AUTS2: variants seen among roughly 807,000 people sequenced by gnomAD.
AUTS2 encodes the protein autism susceptibility gene 2 protein.
Under a neutral mutation model 112.4 loss-of-function variants are expected in AUTS2, and 17 were observed. That is an observed-to-expected ratio of 0.15 (90% CI 0.10 to 0.23). AUTS2 has a LOEUF of 0.23. Ranked by LOEUF, AUTS2 falls within the 10% of genes least tolerant of loss-of-function variation. AUTS2 has a pLI of 1.00. For synonymous variants in AUTS2, 751 were observed against 702.7 expected (o/e 1.07, Z -1.09); for missense variants, 1,510 against 1,701.6 (o/e 0.89, Z 1.98).
In AUTS2 at chr7:69,929,606, G is replaced by T. The variant is rs140182371; in HGVS notation, c.522+30108G>T. ...TAGTTGCTGTGTCTCAGGTTCACCA[G>T]TCTTTTCTTCTGCTATGTCAAATCT... On this transcript the variant is annotated intron_variant, in intron 2 of 18. Coordinates refer to ENST00000342771, the MANE Select transcript of AUTS2 (RefSeq NM_015570.4). Among the ~76,000 whole-genome samples the T allele has an allele frequency of 7.2e-5, 11 of 152,168 alleles. No homozygotes were observed. The East Asian group carries it at 2.1e-3, about 29-fold the overall frequency.
intron 4 of AUTS2, among the ~76,000 whole-genome samples, chr7:70,183,872 T>C (rs1322812389): frequency 6.6e-6 from 1 of 151,696 alleles, no homozygotes; most frequent in Non-Finnish European, 1.5e-5. Flanking sequence ...GTCTTTCTGT[T>C]ACCCAGAGAA....
chr7:69,841,588 A>G lies in AUTS2; in HGVS notation c.310-57698A>G, dbSNP rs140465847. Among the ~76,000 whole-genome samples the G allele has an allele frequency of 1.2e-3, 176 of 152,352 alleles. 1 individual carries two copies. In the East Asian group the frequency reaches 0.012, roughly 10 times the overall value. The stretch of plus-strand genomic sequence containing the variant: ...AAATTAATCCACACCAGGAAGAAAC[A>G]GACCAAAAATGTGGGTCATTCTCAA... On this transcript the variant is annotated intron_variant, in intron 1 of 18. Coordinates refer to ENST00000342771, the MANE Select transcript of AUTS2 (RefSeq NM_015570.4).
intron 1 of AUTS2, among the ~76,000 whole-genome samples, chr7:69,792,429 C>T (rs1584253552): frequency 1.3e-5 from 2 of 151,966 alleles, no homozygotes; most frequent in Admixed American, 6.6e-5. Context: ...TTAGTAGAGA[C>T]GGGGTTTCAC....
At chr7:70,703,958 C>T (rs990897920) in intron 6 of AUTS2, among the ~76,000 whole-genome samples, 1 of 152,154 alleles carries the variant, frequency 6.6e-6, no homozygotes, top group African/African-American at 2.4e-5. Context: ...TCCTCCTACT[C>T]CATACTGCAA....
At chr7:70,054,998 C>G (rs1417890814) in intron 2 of AUTS2, among the ~76,000 whole-genome samples, 2 of 152,108 alleles carry the variant, frequency 1.3e-5, no homozygotes, top group Non-Finnish European at 2.9e-5. Flanking sequence ...GAGAATGCCA[C>G]TTGTCTCTTT....
At chr7:70,148,354 C>T (rs11976050) in intron 4 of AUTS2, among the ~76,000 whole-genome samples, 3,056 of 152,148 alleles carry the variant, frequency 0.02, 118 homozygotes, top group African/African-American at 0.07. Context: ...TCCTTATATT[C>T]TCAGATAATA....
chr7:70,003,472 T>C (rs1584557890), intron 2 of AUTS2, among the ~76,000 whole-genome samples: 4 of 125,482 alleles, frequency 3.2e-5, no homozygotes, highest in Non-Finnish European at 4.6e-5. Context: ...GAATATGTTA[T>C]ATATGAATAT....
chr7:69,824,935 G>A (rs1156417434), intron 1 of AUTS2, among the ~76,000 whole-genome samples: 1 of 152,172 alleles, frequency 6.6e-6, no homozygotes, highest in Non-Finnish European at 1.5e-5. Flanking sequence ...GGGTTGGTGG[G>A]ATTGAACCTT....
At chr7:70,079,532 C>G (rs1803200138) in intron 2 of AUTS2, among the ~76,000 whole-genome samples, 1 of 151,960 alleles carries the variant, frequency 6.6e-6, no homozygotes, top group African/African-American at 2.4e-5. Flanking sequence ...GTAAACTTAC[C>G]TGTGCTTTTA....
chr7:69,864,305 TC>T (rs1793123850), intron 1 of AUTS2, among the ~76,000 whole-genome samples: 2 of 152,150 alleles, frequency 1.3e-5, no homozygotes, highest in Non-Finnish European at 2.9e-5. Context: ...TGAGAGCAAA[TC>T]AATTCCTAGT....
At chr7:69,628,962 C>G (rs1228846220) in intron 1 of AUTS2, among the ~76,000 whole-genome samples, 1 of 152,180 alleles carries the variant, frequency 6.6e-6, no homozygotes, top group African/African-American at 2.4e-5. Flanking sequence ...GTCTTTATTG[C>G]ATTTGCGTAA....
intron 6 of AUTS2, among the ~76,000 whole-genome samples, chr7:70,757,698 T>C (rs184862538): frequency 0.019 from 2,938 of 151,078 alleles, 58 homozygotes; most frequent in Non-Finnish European, 0.024. Flanking sequence ...TATGCATATA[T>C]ACACACACAC....
At chr7:69,732,477 G>T (rs1381055258) in intron 1 of AUTS2, among the ~76,000 whole-genome samples, 1 of 152,056 alleles carries the variant, frequency 6.6e-6, no homozygotes, top group Non-Finnish European at 1.5e-5. Context: ...TGGCTCTGTG[G>T]ACTCTTGGCT....
intron 4 of AUTS2, among the ~76,000 whole-genome samples, chr7:70,405,135 G>A (rs1376400862): frequency 6.6e-6 from 1 of 152,170 alleles, no homozygotes; most frequent in East Asian, 1.9e-4. Flanking sequence ...GAGAGAACAG[G>A]AGAGAGGAAA....
chr7:70,327,672 G>A (rs753750283), intron 4 of AUTS2, among the ~76,000 whole-genome samples: 2 of 152,138 alleles, frequency 1.3e-5, no homozygotes, highest in African/African-American at 4.8e-5. Context: ...TGGATGTTCT[G>A]GGCGTAATCA....
intron 8 of AUTS2, 31 bp downstream of exon 8, chr7:70,765,036 C>T (rs765141969): frequency 5.6e-5 from 90 of 1,610,920 alleles, no homozygotes; most frequent in South Asian, 2.2e-4. Context: ...CTCGTGACCC[C>T]GACCCCCACC....
intron 4 of AUTS2, among the ~76,000 whole-genome samples, chr7:70,256,769 G>T (rs1209492683): frequency 6.6e-6 from 1 of 152,080 alleles, no homozygotes; most frequent in African/African-American, 2.4e-5. Flanking sequence ...TCTTTCCTGT[G>T]TGTTTTGCCA....
At chr7:69,650,084 C>A (rs1252807019) in intron 1 of AUTS2, among the ~76,000 whole-genome samples, 3 of 152,138 alleles carry the variant, frequency 2.0e-5, no homozygotes, top group African/African-American at 7.2e-5. Flanking sequence ...GAGTTAAAAA[C>A]TGAATATAAA....
intron 5 of AUTS2, among the ~76,000 whole-genome samples, chr7:70,668,504 A>T (rs1448844779): frequency 6.6e-6 from 1 of 152,204 alleles, no homozygotes; most frequent in African/African-American, 2.4e-5. Flanking sequence ...TTATTCTAGA[A>T]ATATCTGAGA....
Sources: allele counts gnomAD v4.1 joint callset (sites outside exome capture counted in the v4.1 genomes callset), GRCh38; gene constraint gnomAD v4.1.1; transcripts MANE v1.5; gene names NCBI Gene and HGNC (gene_info 2026-07-23, HGNC 2026-07-21).